Variants in HPSE2 observed in about 807,000 individuals in gnomAD.
The protein encoded by HPSE2 is heparanase 2 (inactive).
In HPSE2, 38 loss-of-function variants were observed where a neutral mutation model predicts 60.5. The ratio of observed to expected loss-of-function variants is 0.63; its 90% CI spans 0.48 to 0.82. HPSE2 has a LOEUF of 0.82. Ranked by LOEUF, HPSE2 falls within the 40% of genes least tolerant of loss-of-function variation. The probability of loss-of-function intolerance (pLI) is 0.00; values close to 1 mark genes in which losing one functional copy is unlikely to be tolerated. For missense variants in HPSE2, 713 were observed against 740.4 expected (o/e 0.96, Z 0.43); for synonymous variants, 295 against 293.2 (o/e 1.01, Z -0.06).
chr10:99,235,999 CTT>C (rs371950895), upstream of HPSE2: 109 of 350,648 alleles, frequency 3.1e-4, no homozygotes, highest in African/African-American at 1.4e-3. Flanking sequence ...TTGTTTTTTT[CTT>C]TTTTTTTTTT....
chr10:98,718,327 T>C (rs1289399464), intron 5 of HPSE2, among the ~76,000 whole-genome samples: 1 of 152,120 alleles, frequency 6.6e-6, no homozygotes, highest in Non-Finnish European at 1.5e-5. Context: ...AATACGAACA[T>C]GAAGATTCTA....
At chr10:98,573,344 T>C (rs1944552285) in intron 9 of HPSE2, among the ~76,000 whole-genome samples, 1 of 152,162 alleles carries the variant, frequency 6.6e-6, no homozygotes, top group Non-Finnish European at 1.5e-5. Context: ...TAGAAAGAAT[T>C]TGTTCCAGGC....
intron 9 of HPSE2, among the ~76,000 whole-genome samples, chr10:98,502,000 A>C (rs1224903177): frequency 6.6e-6 from 1 of 152,144 alleles, no homozygotes; most frequent in African/African-American, 2.4e-5. Flanking sequence ...AGGAAGTGAA[A>C]GACCTCTACA....
chr10:98,559,199 TG>T (rs1449421135), intron 9 of HPSE2, among the ~76,000 whole-genome samples: 1 of 152,178 alleles, frequency 6.6e-6, no homozygotes, highest in Non-Finnish European at 1.5e-5. Flanking sequence ...GGCTAATTTT[TG>T]TATTTTTAGT....
chr10:98,890,374 C>T (rs976154988), intron 3 of HPSE2, among the ~76,000 whole-genome samples: 5 of 151,800 alleles, frequency 3.3e-5, no homozygotes, highest in African/African-American at 1.2e-4. Context: ...ATTAAGAAGC[C>T]ATTAAAGTAA....
chr10:98,712,405 T>C (rs1565101167), intron 5 of HPSE2, among the ~76,000 whole-genome samples: 1 of 152,064 alleles, frequency 6.6e-6, no homozygotes, highest in Non-Finnish European at 1.5e-5. Flanking sequence ...CTTGGGCCCA[T>C]AAAAGTCACA....
At chr10:98,885,593 C>G (rs941517725) in intron 3 of HPSE2, among the ~76,000 whole-genome samples, 1 of 152,104 alleles carries the variant, frequency 6.6e-6, no homozygotes, top group Admixed American at 6.6e-5. Context: ...GATTAGTCAG[C>G]ATTTGTCAAC....
chr10:98,839,563 A>C (rs1951864498), intron 3 of HPSE2, among the ~76,000 whole-genome samples: 1 of 152,240 alleles, frequency 6.6e-6, no homozygotes, highest in South Asian at 2.1e-4. Context: ...GGAGATACAC[A>C]TAAATAGTTA....
At chr10:99,158,736 TAA>T (rs564329577) in intron 2 of HPSE2, among the ~76,000 whole-genome samples, 82 of 150,490 alleles carry the variant, frequency 5.4e-4, no homozygotes, top group South Asian at 3.8e-3. Flanking sequence ...CCCTAAAACT[TAA>T]AGTATAATTA....
chr10:99,174,682 C>T (rs149808710), intron 2 of HPSE2, among the ~76,000 whole-genome samples: 1 of 152,138 alleles, frequency 6.6e-6, no homozygotes, highest in African/African-American at 2.4e-5. Context: ...AAAATTCATA[C>T]GTTGAAGCCC....
chr10:98,913,953 C>T (rs1954048201), intron 3 of HPSE2, among the ~76,000 whole-genome samples: 2 of 152,096 alleles, frequency 1.3e-5, no homozygotes, highest in Admixed American at 1.3e-4. Context: ...TTTTCTCTTT[C>T]CCATATAATC....
chr10:98,721,596 G>T, intron 5 of HPSE2, 61 bp downstream of exon 5: 1 of 1,460,124 alleles, frequency 6.8e-7, no homozygotes, highest in Non-Finnish European at 9.6e-7. Context: ...CAAGAGAAAT[G>T]CAAATACATT....
chr10:98,891,132 A>G (rs1953324672), intron 3 of HPSE2, among the ~76,000 whole-genome samples: 1 of 152,176 alleles, frequency 6.6e-6, no homozygotes, highest in Middle Eastern at 3.2e-3. Flanking sequence ...GTACATTCAA[A>G]GAGTTTCTAT....
intron 7 of HPSE2, among the ~76,000 whole-genome samples, chr10:98,634,739 G>T (rs970920553): frequency 1.4e-4 from 22 of 152,266 alleles, no homozygotes; most frequent in Admixed American, 1.2e-3. Flanking sequence ...CAAAAGAGTT[G>T]ATCTTTATTA....
intron 2 of HPSE2, among the ~76,000 whole-genome samples, chr10:99,152,443 A>C (rs1846309538): frequency 6.6e-6 from 1 of 152,164 alleles, no homozygotes; most frequent in South Asian, 2.1e-4. Flanking sequence ...GAAGAAATGA[A>C]ATACACTAGA....
chr10:98,516,264 C>A (rs1480996538), intron 9 of HPSE2, among the ~76,000 whole-genome samples: 1 of 152,130 alleles, frequency 6.6e-6, no homozygotes, highest in Non-Finnish European at 1.5e-5. Flanking sequence ...TGAAACTCAG[C>A]GACAGAAAGC....
At chr10:99,116,637 A>G (rs1844701869) in intron 3 of HPSE2, among the ~76,000 whole-genome samples, 1 of 152,152 alleles carries the variant, frequency 6.6e-6, no homozygotes, top group South Asian at 2.1e-4. Flanking sequence ...ATCTCTGTCA[A>G]AGTGGCAGCC....
chr10:99,152,083 G>A (rs1026477767), intron 2 of HPSE2, among the ~76,000 whole-genome samples: 45 of 151,836 alleles, frequency 3.0e-4, no homozygotes, highest in African/African-American at 9.4e-4. Context: ...AGGCCGAGGC[G>A]GGCAGATCAC....
intron 3 of HPSE2, among the ~76,000 whole-genome samples, chr10:98,894,818 C>T (rs758297821): frequency 9.9e-5 from 15 of 151,630 alleles, no homozygotes; most frequent in Non-Finnish European, 2.1e-4. Context: ...AAAGACATCT[C>T]CACCAAGACA....
Sources: gnomAD v4.1 joint callset for allele counts (sites outside exome capture counted in the v4.1 genomes callset) on GRCh38, gnomAD v4.1.1 for gene constraint, MANE v1.5 for transcripts, NCBI Gene and HGNC (gene_info 2026-07-23, HGNC 2026-07-21) for gene names.